FGF14: variants seen among roughly 807,000 people sequenced by gnomAD.
The protein encoded by FGF14 is fibroblast growth factor 14.
Under a neutral mutation model 25.5 loss-of-function variants are expected in FGF14, and 5 were observed. The observed-to-expected ratio is 0.20, with a 90% CI of 0.10 to 0.41. FGF14 has a LOEUF of 0.41. Among genes scored for constraint, FGF14 ranks in the 10% least tolerant of loss-of-function variants. FGF14 has a pLI of 1.00. For synonymous variants in FGF14, 138 were observed against 118.3 expected, an observed-to-expected ratio of 1.17 and a Z score of -1.08; for missense variants, 222 against 320.1, an observed-to-expected ratio of 0.69 and a Z score of 2.34.
chr13:101,886,989 T>A (rs1227758411), intron 1 of FGF14, among the ~76,000 whole-genome samples: 1 of 152,080 alleles, frequency 6.6e-6, no homozygotes, highest in South Asian at 2.1e-4. Flanking sequence ...AAAGCCACAA[T>A]GAGATACTAT....
intron 3 of FGF14, among the ~76,000 whole-genome samples, chr13:101,767,633 C>A (rs1211075628): frequency 3.3e-5 from 5 of 152,168 alleles, no homozygotes; most frequent in African/African-American, 1.2e-4. Context: ...ATGTAACCTG[C>A]ATCAGACAGA....
chr13:102,343,055 G>T (rs1277671055), intron 1 of FGF14, among the ~76,000 whole-genome samples: 1 of 152,136 alleles, frequency 6.6e-6, no homozygotes, highest in African/African-American at 2.4e-5. Flanking sequence ...TACAGTTTTT[G>T]AGAGTAGGCA....
At chr13:102,224,545 CA>C (rs1364906875) in intron 1 of FGF14, among the ~76,000 whole-genome samples, 1 of 152,122 alleles carries the variant, frequency 6.6e-6, no homozygotes, top group Non-Finnish European at 1.5e-5. Context: ...GGGCAACATT[CA>C]GGGTCCTATC....
intron 1 of FGF14, among the ~76,000 whole-genome samples, chr13:101,901,439 C>G (rs2031533000): frequency 6.6e-6 from 1 of 152,108 alleles, no homozygotes; most frequent in Non-Finnish European, 1.5e-5. Flanking sequence ...TGCGGTGGCT[C>G]ATGCCTGCAA....
chr13:101,985,364 A>C (rs1407231528), intron 1 of FGF14, among the ~76,000 whole-genome samples: 3 of 152,194 alleles, frequency 2.0e-5, no homozygotes, highest in Admixed American at 6.5e-5. Context: ...ATTTATACAG[A>C]ACTCATTACA....
intron 1 of FGF14, among the ~76,000 whole-genome samples, chr13:102,396,937 T>C (rs148976741): frequency 6.6e-6 from 1 of 152,340 alleles, no homozygotes; most frequent in Non-Finnish European, 1.5e-5. Context: ...TAAGGCCAAC[T>C]AATACTACAT....
chr13:102,249,549 G>C (rs1275909421), intron 1 of FGF14, among the ~76,000 whole-genome samples: 1 of 150,296 alleles, frequency 6.7e-6, no homozygotes, highest in East Asian at 2.0e-4. Flanking sequence ...TACTGAGAGG[G>C]GTGTGTGTGT....
intron 3 of FGF14, among the ~76,000 whole-genome samples, chr13:101,835,557 T>A (rs2042883473): frequency 6.6e-6 from 1 of 152,066 alleles, no homozygotes; most frequent in Admixed American, 6.6e-5. Context: ...ATTTTAGCTG[T>A]AGCCGAATAT....
chr13:102,195,522 A>G (rs2049308864), intron 1 of FGF14, among the ~76,000 whole-genome samples: 1 of 152,206 alleles, frequency 6.6e-6, no homozygotes, highest in East Asian at 1.9e-4. Flanking sequence ...TGGAATTAAA[A>G]TGTTATACTA....
At chr13:102,308,882 C>A (rs2055555133) in intron 1 of FGF14, among the ~76,000 whole-genome samples, 2 of 144,326 alleles carry the variant, frequency 1.4e-5, no homozygotes, top group African/African-American at 5.1e-5. Context: ...GACTTCGGAG[C>A]CACTTTGTAT....
At chr13:101,892,484 A>G (rs1413141822) in intron 1 of FGF14, among the ~76,000 whole-genome samples, 1 of 152,186 alleles carries the variant, frequency 6.6e-6, no homozygotes, top group Non-Finnish European at 1.5e-5. Flanking sequence ...TTGTAATTAC[A>G]TGGGCCATTG....
Position 102,365,602 on chromosome 13 carries a change from A to G in FGF14, c.208+35869T>C, listed in dbSNP as rs565413993. On this transcript the variant is annotated intron_variant, in intron 1 of 4. Coordinates refer to the FGF14 transcript ENST00000376131. ...TTTGATTCCTTGTTTTGCTTTGTCC[A>G]CTAAAATCTGTTAGATGTTCCTTCA... 4.3e-4 allele frequency among the ~76,000 whole-genome samples: 65 copies of G among 152,208 alleles called. 1 individual carries two copies. The South Asian group carries it at 0.013, about 30-fold the overall frequency.
intron 1 of FGF14, chr13:102,263,221 C>G: frequency 2.0e-6 from 1 of 499,024 alleles, no homozygotes; most frequent in Non-Finnish European, 3.9e-6. Context: ...GAAGCGCAGT[C>G]AAGCACACAC....
intron 1 of FGF14, among the ~76,000 whole-genome samples, chr13:101,984,037 A>G (rs779734834): frequency 3.9e-5 from 6 of 152,204 alleles, no homozygotes; most frequent in Non-Finnish European, 8.8e-5. Flanking sequence ...ACTTAAATAC[A>G]TTACTTAGCT....
chr13:101,801,242 G>C (rs764401902), intron 3 of FGF14, among the ~76,000 whole-genome samples: 4 of 152,162 alleles, frequency 2.6e-5, no homozygotes, highest in Non-Finnish European at 4.4e-5. Flanking sequence ...GAACCATATA[G>C]AGTCTTAGGG....
intron 3 of FGF14, among the ~76,000 whole-genome samples, chr13:101,764,216 G>A (rs1370740381): frequency 6.6e-6 from 1 of 152,160 alleles, no homozygotes; most frequent in East Asian, 1.9e-4. Flanking sequence ...CTTGTTGGCT[G>A]AACCCTGGGA....
At chr13:102,182,448 C>A (rs1455486714) in intron 1 of FGF14, among the ~76,000 whole-genome samples, 2 of 152,012 alleles carry the variant, frequency 1.3e-5, no homozygotes, top group East Asian at 1.9e-4. Context: ...GTGTAAGCTA[C>A]CAAGTTTCTG....
intron 1 of FGF14, among the ~76,000 whole-genome samples, chr13:102,105,697 G>A (rs1483727913): frequency 1.3e-5 from 2 of 152,126 alleles, no homozygotes; most frequent in Non-Finnish European, 2.9e-5. Context: ...CACTGTTCTT[G>A]TAATATAGTC....
At chr13:102,343,637 C>T (rs1158224300) in intron 1 of FGF14, among the ~76,000 whole-genome samples, 1 of 152,156 alleles carries the variant, frequency 6.6e-6, no homozygotes, top group Non-Finnish European at 1.5e-5. Flanking sequence ...AGACTGTTGG[C>T]TTCCAAACTA....
Sources: gnomAD v4.1 joint callset for allele counts (sites outside exome capture counted in the v4.1 genomes callset) on GRCh38, gnomAD v4.1.1 for gene constraint, MANE v1.5 for transcripts, NCBI Gene and HGNC (gene_info 2026-07-23, HGNC 2026-07-21) for gene names.